The following R3HDM4 variants were observed in gnomAD, a reference collection of about 807,000 sequenced individuals.
The protein encoded by R3HDM4 is R3H domain-containing protein 4.
A neutral mutation model predicts 31.3 loss-of-function variants in R3HDM4; 30 were observed. The observed-to-expected ratio is 0.96, with a 90% CI of 0.72 to 1.30. The LOEUF (loss-of-function observed/expected upper bound fraction) is 1.30. Ranked by LOEUF, R3HDM4 falls within the 50% of genes most tolerant of loss-of-function variation. The pLI is 0.00. For missense variants in R3HDM4, 444 were observed against 366.1 expected (o/e 1.21, Z -1.74); for synonymous variants, 196 against 156.6 (o/e 1.25, Z -1.88).
intron 1 of R3HDM4, among the ~76,000 whole-genome samples, chr19:904,430 T>C (rs977904598): frequency 2.0e-5 from 3 of 152,084 alleles, no homozygotes; most frequent in Non-Finnish European, 4.4e-5. Context: ...CGAAAATCCC[T>C]AATAGCATCC....
At chr19:901,134 G>A in intron 3 of R3HDM4, 182 bp from the exon 4 acceptor site, 1 of 803,258 alleles carries the variant, frequency 1.2e-6, no homozygotes, top group Non-Finnish European at 1.9e-6. Context: ...GGGGAACCGG[G>A]GTGGGCCCAG....
chr19:902,151 G>A (rs762977234), intron 1 of R3HDM4, 21 bp from the exon 2 acceptor site: 1 of 1,610,092 alleles, frequency 6.2e-7, no homozygotes, highest in East Asian at 2.2e-5. Context: ...GGGCAGGGGT[G>A]GTCCTCAGGG....
intron 1 of R3HDM4, among the ~76,000 whole-genome samples, chr19:911,153 A>G (rs932135683): frequency 2.7e-5 from 4 of 150,090 alleles, no homozygotes; most frequent in African/African-American, 9.8e-5. Flanking sequence ...ATAAATACAA[A>G]TAATACTAAA....
intron 2 of R3HDM4, 69 bp downstream of exon 2, chr19:901,906 TA>T: frequency 6.3e-7 from 1 of 1,577,798 alleles, no homozygotes; most frequent in South Asian, 1.1e-5. Flanking sequence ...GGGTAACAGA[TA>T]ACACCAATAT....
chr19:900,042 C>A lies in R3HDM4; in HGVS notation c.561+19G>T, dbSNP rs1481720691. On this transcript the variant is annotated intron_variant, in intron 5 of 7. Transcript: ENST00000361574. ...GACCAGGCAGGTAGAAAAGGGAGGC[C>A]CGGCAATCCCCCACTCACCATGGGG... 1.9e-6 allele frequency: 3 copies of A among 1,610,502 alleles called. No homozygotes were observed. In the Admixed American group the frequency reaches 5.0e-5, roughly 27 times the overall value.
At chr19:912,455 G>C (rs1243783897) in intron 1 of R3HDM4, among the ~76,000 whole-genome samples, 37 of 118,236 alleles carry the variant, frequency 3.1e-4, no homozygotes, top group Admixed American at 4.1e-4. Flanking sequence ...CGAGGAGTTG[G>C]GGGGCTGACC....
At chr19:903,285 G>A (rs2036860120) in intron 1 of R3HDM4, among the ~76,000 whole-genome samples, 1 of 151,598 alleles carries the variant, frequency 6.6e-6, no homozygotes, top group Admixed American at 6.6e-5. Flanking sequence ...GGAGGAGAGT[G>A]CGGCTGCAGC....
intron 1 of R3HDM4, among the ~76,000 whole-genome samples, chr19:905,659 T>G (rs1599361275): frequency 1.5e-5 from 2 of 136,684 alleles, no homozygotes; most frequent in African/African-American, 2.9e-5. Flanking sequence ...CACTCCAGCC[T>G]GGGCGACAGA....
At chr19:910,783 G>A (rs971823347) in intron 1 of R3HDM4, among the ~76,000 whole-genome samples, 1 of 151,924 alleles carries the variant, frequency 6.6e-6, no homozygotes, top group Non-Finnish European at 1.5e-5. Context: ...TAATAGTGAT[G>A]ATATAATAAA....
At chr19:903,343 T>C (rs1040800676) in intron 1 of R3HDM4, among the ~76,000 whole-genome samples, 1 of 149,614 alleles carries the variant, frequency 6.7e-6, no homozygotes, top group Non-Finnish European at 1.5e-5. Context: ...ATGGCATTAA[T>C]TGTGGAGATG....
chr19:900,028 T>G (rs1476358102), intron 5 of R3HDM4, 33 bp downstream of exon 5: 5 of 1,600,072 alleles, frequency 3.1e-6, no homozygotes, highest in Admixed American at 1.7e-5. Context: ...ACCAGGCAGG[T>G]AGAAAAGGGA....
At chr19:905,731 C>T (rs1005615960) in intron 1 of R3HDM4, among the ~76,000 whole-genome samples, 4 of 151,496 alleles carry the variant, frequency 2.6e-5, no homozygotes, top group Non-Finnish European at 4.4e-5. Flanking sequence ...CCCAGGGCTG[C>T]CTGAAGCAGG....
In R3HDM4 at chr19:897,229, T is replaced by G; in HGVS notation, c.*208A>C. ...AACACAAGTCCCGGAGTGGGAAGCT[T>G]GGAGCTGGGATGGCATGGGCAGCCC... On this transcript the variant is annotated 3_prime_UTR_variant, in exon 8 of 8. Coordinates refer to ENST00000361574, the MANE Select transcript of R3HDM4 (RefSeq NM_138774.4). The G allele has an allele frequency of 2.0e-6, 1 of 509,618 alleles. No homozygotes were observed. The highest frequency in any genetic ancestry group is 3.5e-6 in the Non-Finnish European group (1 of 289,050). 31.6% of individuals were successfully genotyped at this position (509,618 alleles called of 1,614,324 possible).
chr19:908,059 G>C (rs1177891519), intron 1 of R3HDM4, among the ~76,000 whole-genome samples: 4 of 152,082 alleles, frequency 2.6e-5, no homozygotes, highest in Non-Finnish European at 5.9e-5. Context: ...AGGAGTGGTG[G>C]CGCACGCCTG....
chr19:911,978 G>C (rs1446232931), intron 1 of R3HDM4, among the ~76,000 whole-genome samples: 1 of 150,638 alleles, frequency 6.6e-6, no homozygotes, highest in African/African-American at 2.4e-5. Flanking sequence ...ATGGCCACGT[G>C]GGTGAACCCC....
At chr19:902,181 C>T (rs2036847017) in intron 1 of R3HDM4, 51 bp from the exon 2 acceptor site, 11 of 1,597,036 alleles carry the variant, frequency 6.9e-6, no homozygotes, top group Non-Finnish European at 9.4e-6. Flanking sequence ...GCCAGGATCT[C>T]CGAGAAGGGC....
chr19:904,818 G>T (rs1465667933), intron 1 of R3HDM4, among the ~76,000 whole-genome samples: 1 of 151,920 alleles, frequency 6.6e-6, no homozygotes, highest in East Asian at 1.9e-4. Flanking sequence ...CAGAAATGAG[G>T]GCAATGCTCT....
intron 1 of R3HDM4, among the ~76,000 whole-genome samples, chr19:910,858 G>A (rs1476368290): frequency 2.0e-5 from 3 of 152,014 alleles, no homozygotes; most frequent in African/African-American, 4.8e-5. Flanking sequence ...GGTGGCTCAC[G>A]CCTGTAATCC....
Position 913,104 on chromosome 19 carries a change from C to G in R3HDM4, c.54G>C (p.Pro18=). Residue 18 remains proline, a synonymous_variant, in exon 1 of 8, where the codon CCG becomes CCC. Coordinates refer to ENST00000361574, the MANE Select transcript of R3HDM4 (RefSeq NM_138774.4). The surrounding 1 kb of genome is among the most constrained non-coding windows in gnomAD (Gnocchi z 5.0). ...GCGCTCACAGCAGCCGCCGCCCGCC[C>G]GGGGTGCCCTCCGCCGCCTCCGGGC... is the stretch of plus-strand genomic sequence containing the variant. ...ECGPEAAEGT[P]GGRRLLPLPS... is the part of the protein sequence containing the mutation. 2.8e-6 allele frequency: 3 copies of G among 1,081,078 alleles called. No individual in the cohort carries two copies. Among genetic ancestry groups the G allele is most frequent in the Non-Finnish European group, 3.4e-6 (3 of 893,072 alleles). 67.0% of individuals were successfully genotyped at this position (1,081,078 alleles called of 1,614,324 possible). A position where few individuals can be genotyped will look rare whatever the true frequency, so the allele number is the denominator to read the frequency against.
Sources: allele counts gnomAD v4.1 joint callset (sites outside exome capture counted in the v4.1 genomes callset), GRCh38; gene constraint gnomAD v4.1.1; non-coding constraint Gnocchi (gnomAD v3.1); transcripts MANE v1.5; gene names NCBI Gene and HGNC (gene_info 2026-07-23, HGNC 2026-07-21).